Variants in ARHGAP32 observed in about 807,000 individuals in gnomAD.
The protein encoded by ARHGAP32 is rho GTPase-activating protein 32.
A neutral mutation model predicts 186.5 loss-of-function variants in ARHGAP32; 51 were observed. The ratio of observed to expected loss-of-function variants is 0.27; its 90% confidence interval spans 0.22 to 0.35. ARHGAP32 has a LOEUF of 0.35. ARHGAP32 is among the 10% of genes least tolerant of loss of function. The probability of loss-of-function intolerance (pLI) is 1.00; values close to 1 mark genes in which losing one functional copy is unlikely to be tolerated. For synonymous variants in ARHGAP32, 950 were observed against 964.3 expected (o/e 0.99, Z 0.27); for missense variants, 2,186 against 2,623.5 (o/e 0.83, Z 3.64).
chr11:129,026,170 C>T (rs1938838278), intron 11 of ARHGAP32, among the ~76,000 whole-genome samples: 1 of 151,954 alleles, frequency 6.6e-6, no homozygotes, highest in Non-Finnish European at 1.5e-5. Flanking sequence ...CATGTTGTTT[C>T]CTGGTTTTGA....
intron 5 of ARHGAP32, among the ~76,000 whole-genome samples, chr11:129,106,582 T>C (rs1565425290): frequency 1.3e-5 from 2 of 152,042 alleles, no homozygotes; most frequent in South Asian, 2.1e-4. Context: ...TTATTCTCAG[T>C]ACGTGGGTGA....
At chr11:129,245,582 TA>T (rs1945081757) in intron 1 of ARHGAP32, among the ~76,000 whole-genome samples, 1 of 149,854 alleles carries the variant, frequency 6.7e-6, no homozygotes, top group Non-Finnish European at 1.5e-5. Context: ...ACATGTACCC[TA>T]AAACTTAAAG....
intron 1 of ARHGAP32, among the ~76,000 whole-genome samples, chr11:129,269,013 A>G (rs568850802): frequency 6.6e-6 from 1 of 152,300 alleles, no homozygotes; most frequent in South Asian, 2.1e-4. Context: ...GCTCATGCCT[A>G]TAATCCCAGA....
chr11:129,250,266 T>G (rs954552037), intron 1 of ARHGAP32, among the ~76,000 whole-genome samples: 2 of 152,148 alleles, frequency 1.3e-5, no homozygotes, highest in Admixed American at 6.6e-5. Context: ...TATTTTCTGT[T>G]ATACTTCTGA....
At chr11:129,065,945 G>A (rs1940673297) in intron 7 of ARHGAP32, among the ~76,000 whole-genome samples, 2 of 152,050 alleles carry the variant, frequency 1.3e-5, no homozygotes, top group Non-Finnish European at 2.9e-5. Flanking sequence ...GGTACATTCT[G>A]TATGGAGTCC....
At chr11:128,978,747 G>A in intron 19 of ARHGAP32, 23 bp downstream of exon 19, 2 of 1,589,752 alleles carry the variant, frequency 1.3e-6, no homozygotes, top group Non-Finnish European at 1.7e-6. Context: ...AGCAGCAGAA[G>A]TGAGAATCTC....
chr11:129,103,346 C>A (rs968370078), intron 5 of ARHGAP32, among the ~76,000 whole-genome samples: 1 of 151,948 alleles, frequency 6.6e-6, no homozygotes, highest in East Asian at 1.9e-4. Flanking sequence ...TGAAAAGTAT[C>A]CACACTGAAT....
chr11:129,238,126 T>G (rs1397462732), intron 1 of ARHGAP32, among the ~76,000 whole-genome samples: 1 of 152,184 alleles, frequency 6.6e-6, no homozygotes, highest in Admixed American at 6.5e-5. Context: ...TGACTAACCC[T>G]AATTTCTCTT....
At chr11:129,131,468 T>C (rs926431957) in intron 2 of ARHGAP32, among the ~76,000 whole-genome samples, 11 of 152,134 alleles carry the variant, frequency 7.2e-5, no homozygotes, top group Non-Finnish European at 1.3e-4. Context: ...CATTTTATAA[T>C]ACCAGTTAAC....
intron 1 of ARHGAP32, among the ~76,000 whole-genome samples, chr11:129,217,347 A>G (rs1389156442): frequency 6.6e-6 from 1 of 152,190 alleles, no homozygotes; most frequent in Non-Finnish European, 1.5e-5. Flanking sequence ...CAAACCATAT[A>G]TAAGGTTAAT....
intron 1 of ARHGAP32, among the ~76,000 whole-genome samples, chr11:129,234,827 C>G (rs775421464): frequency 6.6e-6 from 1 of 151,956 alleles, no homozygotes; most frequent in African/African-American, 2.4e-5. Flanking sequence ...ACAGAAAAAA[C>G]AAACAAACAA....
chr11:129,195,635 C>A (rs1378436536), upstream of ARHGAP32, among the ~76,000 whole-genome samples: 2 of 152,168 alleles, frequency 1.3e-5, no homozygotes, highest in Admixed American at 6.5e-5. Flanking sequence ...AGTGATCCAC[C>A]CGCCTCGGCT....
chr11:128,975,305 T>C (rs1480033100), intron 20 of ARHGAP32, among the ~76,000 whole-genome samples: 1 of 152,230 alleles, frequency 6.6e-6, no homozygotes, highest in Non-Finnish European at 1.5e-5. Context: ...CACTGATTCT[T>C]GGTGTGACTT....
chr11:129,021,649 T>C (rs1389983709), intron 11 of ARHGAP32, among the ~76,000 whole-genome samples: 1 of 152,120 alleles, frequency 6.6e-6, no homozygotes, highest in East Asian at 1.9e-4. Context: ...ATTTAGATTA[T>C]GTTATTTTAG....
chr11:129,196,667 C>T (rs1944395605), upstream of ARHGAP32, among the ~76,000 whole-genome samples: 2 of 152,150 alleles, frequency 1.3e-5, no homozygotes, highest in African/African-American at 4.8e-5. Flanking sequence ...TTCTCCCAAC[C>T]ACCTCATGAG....
At chr11:129,081,790 T>C (rs1225263011) in intron 6 of ARHGAP32, among the ~76,000 whole-genome samples, 2 of 151,924 alleles carry the variant, frequency 1.3e-5, no homozygotes, top group Non-Finnish European at 2.9e-5. Flanking sequence ...GCATTCAGAC[T>C]GGTAAAGAGG....
intron 11 of ARHGAP32, chr11:129,023,882 A>AG (rs1938711706): frequency 1.0e-6 from 1 of 984,788 alleles, no homozygotes; most frequent in Admixed American, 6.1e-5. Context: ...ACAAGTTTTA[A>AG]GATCAATACT....
At chr11:129,261,883 A>C (rs187041308) in intron 1 of ARHGAP32, among the ~76,000 whole-genome samples, 1 of 152,344 alleles carries the variant, frequency 6.6e-6, no homozygotes, top group East Asian at 1.9e-4. Context: ...TAGTATATAG[A>C]AATCCCTTTG....
intron 15 of ARHGAP32, among the ~76,000 whole-genome samples, chr11:128,983,395 C>CA (rs34923634): frequency 0.2 from 29,116 of 147,422 alleles, 2,906 homozygotes; most frequent in Non-Finnish European, 0.21. Context: ...ATCGCAAGGA[C>CA]AAAAAACCAA....
Sources: gnomAD v4.1 joint callset for allele counts (sites outside exome capture counted in the v4.1 genomes callset) on GRCh38, gnomAD v4.1.1 for gene constraint, MANE v1.5 for transcripts, NCBI Gene and HGNC (gene_info 2026-07-23, HGNC 2026-07-21) for gene names.